CNTNAP2: variants seen among roughly 807,000 people sequenced by gnomAD.
CNTNAP2 encodes contactin-associated protein-like 2.
In CNTNAP2, 98 loss-of-function variants were observed where a neutral mutation model predicts 155.2. The observed-to-expected ratio is 0.63, with a 90% CI of 0.54 to 0.75. CNTNAP2 has a LOEUF of 0.75. Among genes scored for constraint, CNTNAP2 ranks in the 30% least tolerant of loss-of-function variants. The pLI is 0.00. For synonymous variants in CNTNAP2, 651 were observed against 631.2 expected, an observed-to-expected ratio of 1.03 and a Z score of -0.47; for missense variants, 1,727 against 1,688.1, an observed-to-expected ratio of 1.02 and a Z score of -0.40.
At chr7:146,763,159 C>T (rs1802133887) in intron 1 of CNTNAP2, among the ~76,000 whole-genome samples, 1 of 152,146 alleles carries the variant, frequency 6.6e-6, no homozygotes, top group Admixed American at 6.5e-5. Flanking sequence ...TCCTGTTTAC[C>T]TCATGCTTCT....
At chr7:148,192,117 G>C (rs897047393) in intron 18 of CNTNAP2, among the ~76,000 whole-genome samples, 1 of 152,188 alleles carries the variant, frequency 6.6e-6, no homozygotes, top group Non-Finnish European at 1.5e-5. Flanking sequence ...AGAAGCACTT[G>C]AGTCCTTTCT....
At chr7:146,742,240 A>G (rs915025839) in intron 1 of CNTNAP2, among the ~76,000 whole-genome samples, 3 of 152,130 alleles carry the variant, frequency 2.0e-5, no homozygotes, top group Admixed American at 6.6e-5. Flanking sequence ...TATCTAAAGT[A>G]TCAGCTGGAT....
chr7:146,762,062 C>T (rs1802111568), intron 1 of CNTNAP2, among the ~76,000 whole-genome samples: 1 of 151,628 alleles, frequency 6.6e-6, no homozygotes, highest in African/African-American at 2.4e-5. Context: ...AAATTCATAC[C>T]CAGGGGACTA....
intron 13 of CNTNAP2, among the ~76,000 whole-genome samples, chr7:147,785,274 A>G (rs1191076780): frequency 6.6e-6 from 1 of 152,300 alleles, no homozygotes; most frequent in East Asian, 1.9e-4. Context: ...GCTTCTAGGC[A>G]GAATAACACA....
intron 15 of CNTNAP2, among the ~76,000 whole-genome samples, chr7:148,060,425 A>T (rs1488129694): frequency 6.6e-6 from 1 of 152,198 alleles, no homozygotes; most frequent in Admixed American, 6.5e-5. Flanking sequence ...AATAGAACAG[A>T]CAATTGCAAT....
At chr7:147,480,467 G>A (rs1798401359) in intron 10 of CNTNAP2, among the ~76,000 whole-genome samples, 1 of 152,168 alleles carries the variant, frequency 6.6e-6, no homozygotes, top group Admixed American at 6.5e-5. Context: ...GATTGAGAAT[G>A]CTGAACTTGA....
chr7:146,238,540 T>C (rs1799510802), intron 1 of CNTNAP2, among the ~76,000 whole-genome samples: 1 of 152,072 alleles, frequency 6.6e-6, no homozygotes, highest in South Asian at 2.1e-4. Context: ...ATATGAATGA[T>C]ATTAGGTGGT....
chr7:147,525,809 T>C (rs1409621394), intron 11 of CNTNAP2, among the ~76,000 whole-genome samples: 1 of 152,208 alleles, frequency 6.6e-6, no homozygotes, highest in African/African-American at 2.4e-5. Flanking sequence ...TTCCGATATG[T>C]TGTTTCCTAA....
At chr7:146,186,355 G>A (rs1798623712) in intron 1 of CNTNAP2, among the ~76,000 whole-genome samples, 1 of 152,090 alleles carries the variant, frequency 6.6e-6, no homozygotes, top group African/African-American at 2.4e-5. Context: ...CTTTCATGCT[G>A]TACATATCTT....
At chr7:146,888,863 G>A (rs1795723766) in intron 3 of CNTNAP2, among the ~76,000 whole-genome samples, 1 of 152,014 alleles carries the variant, frequency 6.6e-6, no homozygotes, top group African/African-American at 2.4e-5. Flanking sequence ...GGGATATGAT[G>A]GTCAAAGGGG....
At position 147,108,202 on chromosome 7, in the gene CNTNAP2, C is replaced by T; in HGVS notation, c.606C>T (p.Asn202=). ...GHVVLPYRFR[N]KKMKTLKDVI... is the part of the protein sequence containing the mutation. ...TTGTATTACCATATAGATTCAGAAA[C>T]AAGAAGATGAAAACACTGAAAGATG... Residue 202 remains asparagine, a synonymous_variant, in exon 5 of 24, where the codon AAC becomes AAT. Coordinates refer to ENST00000361727, the MANE Select transcript of CNTNAP2 (RefSeq NM_014141.6). 1 of 1,613,272 alleles carries T rather than the reference C, an allele frequency of 6.2e-7. No individual in the cohort carries two copies. The highest frequency in any genetic ancestry group is 1.3e-5 in the African/African-American group (1 of 74,878).
At chr7:147,078,904 C>G (rs1433269282) in intron 4 of CNTNAP2, among the ~76,000 whole-genome samples, 8 of 151,844 alleles carry the variant, frequency 5.3e-5, no homozygotes, top group Non-Finnish European at 1.0e-4. Context: ...TGTGCGCCAC[C>G]ATGCCCAGCT....
chr7:147,737,167 G>T (rs1019982785), intron 13 of CNTNAP2, among the ~76,000 whole-genome samples: 32 of 152,054 alleles, frequency 2.1e-4, no homozygotes, highest in Non-Finnish European at 4.3e-4. Flanking sequence ...TCTACCTTTG[G>T]TGTTTGATGA....
chr7:146,334,324 G>A (rs1801236380), intron 1 of CNTNAP2, among the ~76,000 whole-genome samples: 1 of 151,900 alleles, frequency 6.6e-6, no homozygotes, highest in Non-Finnish European at 1.5e-5. Context: ...CCAGCTACTC[G>A]GGAGGCTGAG....
intron 8 of CNTNAP2, among the ~76,000 whole-genome samples, chr7:147,153,201 T>A (rs1356632986): frequency 6.6e-6 from 1 of 152,188 alleles, no homozygotes; most frequent in African/African-American, 2.4e-5. Flanking sequence ...AAACATTTTC[T>A]CTATAGTAAG....
At chr7:147,975,534 G>T (rs1031335486) in intron 14 of CNTNAP2, among the ~76,000 whole-genome samples, 1 of 151,988 alleles carries the variant, frequency 6.6e-6, no homozygotes, top group Non-Finnish European at 1.5e-5. Context: ...ATGCTGGAAG[G>T]GTTAAACAAT....
intron 13 of CNTNAP2, among the ~76,000 whole-genome samples, chr7:147,870,845 G>T (rs60522775): frequency 1.3e-5 from 2 of 152,038 alleles, no homozygotes; most frequent in African/African-American, 4.8e-5. Context: ...TGTGGATGGC[G>T]AGGGGATACA....
At chr7:147,798,713 A>C (rs1267544726) in intron 13 of CNTNAP2, among the ~76,000 whole-genome samples, 1 of 152,220 alleles carries the variant, frequency 6.6e-6, no homozygotes, top group Non-Finnish European at 1.5e-5. Flanking sequence ...CTGACAAGGG[A>C]AATGGATTTA....
chr7:147,143,796 T>C (rs1041069556), intron 8 of CNTNAP2, among the ~76,000 whole-genome samples: 9 of 152,146 alleles, frequency 5.9e-5, no homozygotes, highest in Non-Finnish European at 1.3e-4. Context: ...TATTAAAGCC[T>C]AGAGATGTAC....
Sources: allele counts gnomAD v4.1 joint callset (sites outside exome capture counted in the v4.1 genomes callset), GRCh38; gene constraint gnomAD v4.1.1; transcripts MANE v1.5; gene names NCBI Gene and HGNC (gene_info 2026-07-23, HGNC 2026-07-21).